GALNT16: variants seen among roughly 807,000 people sequenced by gnomAD.
GALNT16 encodes polypeptide N-acetylgalactosaminyltransferase 16, also known as UDP-GalNAc:polypeptide N-acetylgalactosaminyltransferase-like protein 1.
Under a neutral mutation model 76.1 loss-of-function variants are expected in GALNT16, and 40 were observed. The ratio of observed to expected loss-of-function variants is 0.53; its 90% CI spans 0.41 to 0.68. The LOEUF (loss-of-function observed/expected upper bound fraction) is 0.68, where lower values mean the gene tolerates loss of function less well. Ranked by LOEUF, GALNT16 falls within the 30% of genes least tolerant of loss-of-function variation. The pLI, the probability that GALNT16 is intolerant of heterozygous loss-of-function variation, is 0.00. For synonymous variants in GALNT16, 276 were observed against 285.2 expected (o/e 0.97, Z 0.32); for missense variants, 621 against 731.9 (o/e 0.85, Z 1.75).
chr14:69,279,998 T>A (rs1342879899), intron 1 of GALNT16, among the ~76,000 whole-genome samples: 1 of 152,248 alleles, frequency 6.6e-6, no homozygotes, highest in Non-Finnish European at 1.5e-5. Flanking sequence ...TGGTATTGAT[T>A]TATTTTTCTT....
At chr14:69,365,986 T>C in the GALNT16 span, among the ~76,000 whole-genome samples, 2 of 152,032 alleles carry the variant, frequency 1.3e-5, no homozygotes, top group Non-Finnish European at 2.9e-5. Flanking sequence ...AAGATAGTAA[T>C]AGGTGTTATG....
At chr14:69,317,383 C>A (rs937593322) in intron 1 of GALNT16, among the ~76,000 whole-genome samples, 36 of 152,230 alleles carry the variant, frequency 2.4e-4, no homozygotes, top group Admixed American at 1.4e-3. Context: ...GGTCAGTTCT[C>A]CAGCTCCGCT....
At chr14:69,311,883 C>T (rs547053378) in intron 1 of GALNT16, among the ~76,000 whole-genome samples, 11 of 151,922 alleles carry the variant, frequency 7.2e-5, no homozygotes, top group South Asian at 6.2e-4. Flanking sequence ...ATATGTTATA[C>T]GGCCCATTAT....
the GALNT16 span, among the ~76,000 whole-genome samples, chr14:69,378,782 T>C: frequency 3.6e-4 from 55 of 152,282 alleles, no homozygotes; most frequent in African/African-American, 1.3e-3. Context: ...TCAGATCTGC[T>C]CTAGAGTATT....
At chr14:69,297,245 C>A (rs1443156345) in intron 1 of GALNT16, among the ~76,000 whole-genome samples, 1 of 152,232 alleles carries the variant, frequency 6.6e-6, no homozygotes. Context: ...TATCGATTGA[C>A]ACTCCCAGCA....
chr14:69,369,928 C>T, the GALNT16 span, among the ~76,000 whole-genome samples: 2 of 152,160 alleles, frequency 1.3e-5, no homozygotes, highest in African/African-American at 4.8e-5. Flanking sequence ...TGCTCTTCTC[C>T]TTTGGGGATG....
chr14:69,369,827 C>G, the GALNT16 span, among the ~76,000 whole-genome samples: 2 of 152,152 alleles, frequency 1.3e-5, no homozygotes, highest in Non-Finnish European at 2.9e-5. Context: ...TCTCTAAGGT[C>G]CCCCTGAGGA....
chr14:69,340,676 G>C (rs919235225), intron 11 of GALNT16, among the ~76,000 whole-genome samples: 2 of 152,074 alleles, frequency 1.3e-5, no homozygotes, highest in Admixed American at 1.3e-4. Context: ...AATAGAGATG[G>C]GGTTTCACCA....
At chr14:69,338,111 G>A (rs1056663079) in intron 9 of GALNT16, among the ~76,000 whole-genome samples, 8 of 152,140 alleles carry the variant, frequency 5.3e-5, no homozygotes, top group African/African-American at 9.7e-5. Flanking sequence ...CTCCACCACC[G>A]CTGTCAAAAG....
At chr14:69,382,789 C>CAAAAAAAAAAAAAAA in the GALNT16 span, among the ~76,000 whole-genome samples, 2 of 103,164 alleles carry the variant, frequency 1.9e-5, no homozygotes, top group African/African-American at 7.4e-5. Flanking sequence ...ACTCTATCTC[C>CAAAAAAAAAAAAAAA]AAAAGAAAAA....
chr14:69,273,890 C>G (rs1333581367), intron 1 of GALNT16, among the ~76,000 whole-genome samples: 2 of 152,194 alleles, frequency 1.3e-5, no homozygotes, highest in Non-Finnish European at 2.9e-5. Context: ...GGCTCTTTTT[C>G]TGTCTTTCCT....
At chr14:69,346,067 T>A (rs988600311) in intron 12 of GALNT16, among the ~76,000 whole-genome samples, 13 of 150,232 alleles carry the variant, frequency 8.7e-5, no homozygotes, top group South Asian at 2.1e-4. Flanking sequence ...TTTTTTTTTT[T>A]AATTTTTGTA....
chr14:69,290,958 G>A (rs938515274), intron 1 of GALNT16, among the ~76,000 whole-genome samples: 2 of 152,168 alleles, frequency 1.3e-5, no homozygotes, highest in Admixed American at 6.5e-5. Context: ...GCGGCAGCCC[G>A]CCGGCCAGGA....
intron 12 of GALNT16, 41 bp downstream of exon 12, chr14:69,341,805 G>A: frequency 7.3e-7 from 1 of 1,368,020 alleles, no homozygotes; most frequent in Non-Finnish European, 1.0e-6. Flanking sequence ...CAGGCGGGTA[G>A]GGGGTGGTTG....
chr14:69,313,813 T>G (rs2045062596), intron 1 of GALNT16, among the ~76,000 whole-genome samples: 1 of 116,500 alleles, frequency 8.6e-6, no homozygotes, highest in African/African-American at 2.6e-5. Flanking sequence ...TAGCTGAGTT[T>G]CAGTTGGCTC....
intron 5 of GALNT16, 47 bp from the exon 6 acceptor site, chr14:69,328,403 C>T (rs1273354080): frequency 1.9e-6 from 3 of 1,584,278 alleles, no homozygotes; most frequent in Non-Finnish European, 2.6e-6. Flanking sequence ...AGGTGGGAAG[C>T]CAGTTGGCCC....
intron 7 of GALNT16, 25 bp downstream of exon 7, chr14:69,331,576 G>T: frequency 1.5e-6 from 2 of 1,354,018 alleles, no homozygotes; most frequent in Non-Finnish European, 2.1e-6. Context: ...CGGGGGTGGG[G>T]CTGTAGACAT....
At chr14:69,267,846 A>T (rs2044360176) in intron 1 of GALNT16, among the ~76,000 whole-genome samples, 2 of 151,832 alleles carry the variant, frequency 1.3e-5, no homozygotes, top group East Asian at 1.9e-4. Flanking sequence ...GGTCCCTATC[A>T]GCTGAAATAA....
intron 2 of GALNT16, 104 bp from the exon 3 acceptor site, chr14:69,324,588 G>T (rs1158101563): frequency 3.3e-6 from 2 of 604,376 alleles, no homozygotes; most frequent in African/African-American, 1.9e-5. Context: ...TGCCTTCTCT[G>T]CCTGGCAGAA....
Sources: gnomAD v4.1 joint callset for allele counts (sites outside exome capture counted in the v4.1 genomes callset) on GRCh38, gnomAD v4.1.1 for gene constraint, MANE v1.5 for transcripts, NCBI Gene and HGNC (gene_info 2026-07-23, HGNC 2026-07-21) for gene names.